The following MTHFS variants were observed in gnomAD, a reference collection of about 807,000 sequenced individuals.
The protein encoded by MTHFS is 5-formyltetrahydrofolate cyclo-ligase.
MTHFS carries 7 observed loss-of-function variants against 12.7 expected under a neutral mutation model. That is an observed-to-expected ratio of 0.55 (90% CI 0.31 to 1.03). MTHFS has a LOEUF of 1.03. Among genes scored for constraint, MTHFS ranks in the 50% least tolerant of loss-of-function variants. The pLI, the probability that MTHFS is intolerant of heterozygous loss-of-function variation, is 0.05. For missense variants in MTHFS, 252 were observed against 258.1 expected (o/e 0.98, Z 0.16); for synonymous variants, 100 against 97.1 (o/e 1.03, Z -0.18).
intron 2 of MTHFS, among the ~76,000 whole-genome samples, chr15:79,845,781 G>A (rs1162113713): frequency 1.3e-5 from 2 of 152,104 alleles, no homozygotes; most frequent in Non-Finnish European, 2.9e-5. Context: ...TACCTGTCAG[G>A]TTTGGAAATC....
rs370530226 is a variant in MTHFS at position 79,854,094 on chromosome 15, T to A, written c.380-8652A>T. 2.7e-4 allele frequency among the ~76,000 whole-genome samples: 41 copies of A among 152,168 alleles called. 2 individuals carry two copies. Among genetic ancestry groups the A allele is most frequent in the Admixed American group, 1.7e-3 (26 of 15,276 alleles). On this transcript the variant is annotated intron_variant, in intron 2 of 2. Transcript: ENST00000258874. Reference sequence around the variant, plus strand: ...GCTCTTTGTTCTTTCCCTACGAAATTAAAGCAGACAGGGAGAGCGCTGCTT... The same window carrying A: ...GCTCTTTGTTCTTTCCCTACGAAATAAAAGCAGACAGGGAGAGCGCTGCTT...
At position 79,870,072 on chromosome 15, in the gene MTHFS, T is replaced by C. The variant is rs186765674; in HGVS notation, c.379+19021A>G. On this transcript the variant is annotated intron_variant, in intron 2 of 2. Coordinates refer to ENST00000258874, the MANE Select transcript of MTHFS (RefSeq NM_006441.4). Reference sequence around the variant, plus strand: ...AATACCAATTAATTCACAAAATTAATGAATATTAAATTTGGAAATCAAAAA... The same window carrying C: ...AATACCAATTAATTCACAAAATTAACGAATATTAAATTTGGAAATCAAAAA... Among the ~76,000 whole-genome samples the C allele has an allele frequency of 5.0e-3, 758 of 152,300 alleles. 7 individuals are homozygous for C. The highest frequency in any genetic ancestry group is 6.7e-3 in the Non-Finnish European group (457 of 68,020).
chr15:79,870,593 A>G (rs1041273785), intron 2 of MTHFS, among the ~76,000 whole-genome samples: 1 of 152,212 alleles, frequency 6.6e-6, no homozygotes, highest in Admixed American at 6.5e-5. Flanking sequence ...AAAACTACTT[A>G]AAGGAATATT....
At chr15:79,861,059 G>A (rs961086763) in intron 2 of MTHFS, among the ~76,000 whole-genome samples, 2 of 152,162 alleles carry the variant, frequency 1.3e-5, no homozygotes, top group African/African-American at 4.8e-5. Context: ...AATAGTCATC[G>A]TCGTCATCAT....
intron 2 of MTHFS, among the ~76,000 whole-genome samples, chr15:79,852,004 G>GAGTCTCTA (rs1190485257): frequency 6.6e-6 from 1 of 152,164 alleles, no homozygotes; most frequent in East Asian, 1.9e-4. Context: ...ATGATGTAAA[G>GAGTCTCTA]AGTCTCTAAG....
chr15:79,857,887 G>A (rs1010553217), intron 2 of MTHFS, among the ~76,000 whole-genome samples: 14 of 151,836 alleles, frequency 9.2e-5, no homozygotes, highest in African/African-American at 2.7e-4. Flanking sequence ...ATGGTGGCGC[G>A]TGCCTGTAAT....
intron 2 of MTHFS, among the ~76,000 whole-genome samples, chr15:79,851,735 A>C (rs1415446073): frequency 1.3e-5 from 2 of 152,230 alleles, no homozygotes; most frequent in Admixed American, 1.3e-4. Context: ...GACTCAGCTC[A>C]TAAGAGGTGA....
intron 2 of MTHFS, among the ~76,000 whole-genome samples, chr15:79,868,622 AG>A (rs2034051667): frequency 6.6e-6 from 1 of 152,228 alleles, no homozygotes; most frequent in African/African-American, 2.4e-5. Context: ...TGGCCTGAAT[AG>A]AATAAAAGGC....
intron 2 of MTHFS, among the ~76,000 whole-genome samples, chr15:79,868,534 T>C (rs759662278): frequency 3.3e-5 from 5 of 152,262 alleles, no homozygotes; most frequent in Admixed American, 6.5e-5. Flanking sequence ...TCTATGTGTG[T>C]CTATGAGAGT....
intron 2 of MTHFS, among the ~76,000 whole-genome samples, chr15:79,885,062 C>T (rs942008794): frequency 6.6e-6 from 1 of 152,176 alleles, no homozygotes; most frequent in African/African-American, 2.4e-5. Context: ...GAAATCCATA[C>T]CCACTATCTT....
intron 2 of MTHFS, among the ~76,000 whole-genome samples, chr15:79,887,125 T>C (rs893262339): frequency 6.6e-6 from 1 of 152,128 alleles, no homozygotes; most frequent in Non-Finnish European, 1.5e-5. Flanking sequence ...TTCTAGCTAC[T>C]GAGGCAGGAG....
At chr15:79,879,321 C>CTTTTTTTTT (rs565488885) in intron 2 of MTHFS, among the ~76,000 whole-genome samples, 16 of 79,336 alleles carry the variant, frequency 2.0e-4, no homozygotes, top group South Asian at 1.0e-3. Context: ...AATTATTACC[C>CTTTTTTTTT]TTTTTTTTTT....
intron 2 of MTHFS, among the ~76,000 whole-genome samples, chr15:79,887,162 T>C (rs1003419010): frequency 2.0e-5 from 3 of 152,230 alleles, no homozygotes; most frequent in African/African-American, 7.2e-5. Context: ...GCGGTGGAAG[T>C]TGCAGTGAGC....
At chr15:79,871,154 A>C (rs1206572298) in intron 2 of MTHFS, among the ~76,000 whole-genome samples, 1 of 152,202 alleles carries the variant, frequency 6.6e-6, no homozygotes, top group Non-Finnish European at 1.5e-5. Flanking sequence ...AAAAAAAAGA[A>C]AAGAAAAGGC....
chr15:79,853,353 G>A (rs1566987825), intron 2 of MTHFS, among the ~76,000 whole-genome samples: 1 of 152,276 alleles, frequency 6.6e-6, no homozygotes, highest in African/African-American at 2.4e-5. Flanking sequence ...AGTTATCTGT[G>A]CAGGCTTTTA....
intron 2 of MTHFS, among the ~76,000 whole-genome samples, chr15:79,864,371 C>A (rs2033968997): frequency 6.6e-6 from 1 of 151,486 alleles, no homozygotes; most frequent in Non-Finnish European, 1.5e-5. Context: ...ATGGTGAAAC[C>A]CCATATCTAC....
intron 2 of MTHFS, among the ~76,000 whole-genome samples, chr15:79,866,564 C>T (rs965157516): frequency 6.6e-5 from 10 of 152,126 alleles, no homozygotes; most frequent in African/African-American, 2.2e-4. Context: ...CTTCAGCAGG[C>T]GAGACCCTGG....
chr15:79,876,614 CA>C (rs35224825), intron 2 of MTHFS: 16,366 of 86,142 alleles, frequency 0.19, 813 homozygotes, highest in Middle Eastern at 0.3. Flanking sequence ...GACTCCATCC[CA>C]AAAAAAAAAA....
chr15:79,885,187 C>A (rs546346927), intron 2 of MTHFS, among the ~76,000 whole-genome samples: 1 of 152,168 alleles, frequency 6.6e-6, no homozygotes, highest in African/African-American at 2.4e-5. Flanking sequence ...CATGAACAAC[C>A]TAGAAGGGTT....
Sources: gnomAD v4.1 joint callset for allele counts (sites outside exome capture counted in the v4.1 genomes callset) on GRCh38, gnomAD v4.1.1 for gene constraint, MANE v1.5 for transcripts, NCBI Gene and HGNC (gene_info 2026-07-23, HGNC 2026-07-21) for gene names.